FGF12: variants seen among roughly 807,000 people sequenced by gnomAD.
FGF12 encodes fibroblast growth factor 12.
FGF12 carries 14 observed loss-of-function variants against 23.6 expected under a neutral mutation model. That is an observed-to-expected ratio of 0.59 (90% CI 0.39 to 0.93). FGF12 has a LOEUF of 0.93. Among genes scored for constraint, FGF12 ranks in the 40% least tolerant of loss-of-function variants. FGF12 has a pLI of 0.00. For synonymous variants in FGF12, 62 were observed against 77.3 expected (o/e 0.80, Z 1.04); for missense variants, 175 against 217.8 (o/e 0.80, Z 1.24).
intron 2 of FGF12, among the ~76,000 whole-genome samples, chr3:192,388,977 AT>A (rs1372434017): frequency 6.6e-6 from 1 of 152,166 alleles, no homozygotes; most frequent in Non-Finnish European, 1.5e-5. Context: ...AAGCCAAAAA[AT>A]AAAAAGGAAA....
chr3:192,305,677 A>ATATATATAT (rs1273411210), intron 4 of FGF12, among the ~76,000 whole-genome samples: 4 of 111,936 alleles, frequency 3.6e-5, no homozygotes, highest in South Asian at 3.4e-4. Context: ...AAAAAAAAAA[A>ATATATATAT]AAATATATAT....
intron 2 of FGF12, among the ~76,000 whole-genome samples, chr3:192,400,728 C>T (rs985647662): frequency 6.6e-6 from 1 of 152,174 alleles, no homozygotes; most frequent in Non-Finnish European, 1.5e-5. Flanking sequence ...CCTCTATCAA[C>T]CCTGCTCCTT....
intron 5 of FGF12, among the ~76,000 whole-genome samples, chr3:192,161,481 C>T (rs1294504474): frequency 6.8e-6 from 1 of 148,136 alleles, no homozygotes; most frequent in East Asian, 2.0e-4. Context: ...AATTGAATAA[C>T]TTTAAGGAAT....
chr3:192,655,360 A>G (rs905429705), intron 2 of FGF12, among the ~76,000 whole-genome samples: 1 of 152,128 alleles, frequency 6.6e-6, no homozygotes, highest in Non-Finnish European at 1.5e-5. Context: ...CTTTTTTTCT[A>G]CATCTCTATT....
rs765046718 is a variant in FGF12, at chr3:192,143,993, AG to A, written c.*15del. 6 of 1,446,492 alleles carry A rather than the reference AG, an allele frequency of 4.1e-6. No individual in the cohort carries two copies. In the East Asian group the frequency reaches 1.4e-4, roughly 33 times the overall value. 89.6% of individuals were successfully genotyped at this position (1,446,492 alleles called of 1,614,324 possible). On this transcript the variant is annotated 3_prime_UTR_variant, in exon 6 of 6. Transcript: ENST00000445105. ...AGGGGAAGGGATGAGAGAGGGAAGA[AG>A]GGGAGAGTTCTCAGCTATGTTGAAT...
intron 2 of FGF12, among the ~76,000 whole-genome samples, chr3:192,690,101 T>C (rs1717894536): frequency 6.6e-6 from 1 of 151,770 alleles, no homozygotes; most frequent in African/African-American, 2.4e-5. Context: ...CACAGACAAA[T>C]AAAAGCTGAG....
intron 2 of FGF12, among the ~76,000 whole-genome samples, chr3:192,572,210 G>A (rs1357647387): frequency 6.6e-6 from 1 of 152,096 alleles, no homozygotes; most frequent in Non-Finnish European, 1.5e-5. Context: ...TGAAGAAAAT[G>A]AGCTCTTTCA....
Position 192,339,218 on chromosome 3 carries a change from A to C in FGF12, c.125-3754T>G, listed in dbSNP as rs564444623. ...GAAAGGTCCTCATCTGCCTCCTAAA[A>C]GTCCCAAAAGGTGGCAAATGACTTA... On this transcript the variant is annotated intron_variant, in intron 3 of 5. Coordinates refer to ENST00000445105, the MANE Select transcript of FGF12 (RefSeq NM_004113.6). Among the ~76,000 whole-genome samples the C allele has an allele frequency of 5.9e-5, 9 of 152,316 alleles. 1 individual carries two copies. The East Asian group carries it at 1.5e-3, about 26-fold the overall frequency.
At chr3:192,588,465 C>T (rs533997230) in intron 2 of FGF12, among the ~76,000 whole-genome samples, 1 of 147,264 alleles carries the variant, frequency 6.8e-6, no homozygotes, top group East Asian at 2.0e-4. Flanking sequence ...TTTTATAAAA[C>T]AGTGGCATAT....
chr3:192,655,398 C>A (rs1030794616), intron 2 of FGF12, among the ~76,000 whole-genome samples: 7 of 152,086 alleles, frequency 4.6e-5, no homozygotes, highest in Non-Finnish European at 1.0e-4. Context: ...ATGGTTGGAG[C>A]TGCAATAGAC....
intron 2 of FGF12, among the ~76,000 whole-genome samples, chr3:192,434,122 C>T (rs138694064): frequency 5.3e-5 from 8 of 152,230 alleles, no homozygotes; most frequent in Non-Finnish European, 1.2e-4. Flanking sequence ...GCAACCTTAA[C>T]CAATTGTGGA....
chr3:192,461,165 T>C (rs556673156), intron 2 of FGF12, among the ~76,000 whole-genome samples: 18 of 147,812 alleles, frequency 1.2e-4, no homozygotes, highest in East Asian at 5.8e-4. Flanking sequence ...TAAATGAACA[T>C]TGTAAAACAT....
intron 4 of FGF12, among the ~76,000 whole-genome samples, chr3:192,255,444 G>A (rs1165578767): frequency 6.6e-6 from 1 of 151,926 alleles, no homozygotes; most frequent in Non-Finnish European, 1.5e-5. Context: ...CTGAGTTGGG[G>A]AAGAAAGTGT....
chr3:192,190,533 T>C (rs914035662), intron 4 of FGF12, among the ~76,000 whole-genome samples: 2 of 135,262 alleles, frequency 1.5e-5, no homozygotes, highest in African/African-American at 3.1e-5. Context: ...TGGAGTGCAG[T>C]GGCGGGATCT....
chr3:192,318,517 T>C (rs1225158810), intron 4 of FGF12, among the ~76,000 whole-genome samples: 1 of 152,106 alleles, frequency 6.6e-6, no homozygotes, highest in Non-Finnish European at 1.5e-5. Flanking sequence ...GACAGCCTAT[T>C]TGAAAATTCA....
intron 2 of FGF12, among the ~76,000 whole-genome samples, chr3:192,632,902 C>T (rs943796989): frequency 3.9e-5 from 6 of 152,100 alleles, no homozygotes; most frequent in African/African-American, 1.4e-4. Flanking sequence ...GAATCTATTC[C>T]ATGCCTCTCT....
intron 2 of FGF12, among the ~76,000 whole-genome samples, chr3:192,519,363 G>A (rs938544710): frequency 2.0e-5 from 3 of 152,170 alleles, no homozygotes; most frequent in African/African-American, 7.2e-5. Flanking sequence ...TTTGTCCAAT[G>A]TCTTCTAATG....
chr3:192,441,922 T>C (rs913418976), intron 2 of FGF12, among the ~76,000 whole-genome samples: 1 of 152,272 alleles, frequency 6.6e-6, no homozygotes, highest in South Asian at 2.1e-4. Context: ...GAACTCATTA[T>C]AGCTTAAGTT....
At chr3:192,681,480 C>G (rs1465789915) in intron 2 of FGF12, among the ~76,000 whole-genome samples, 1 of 152,146 alleles carries the variant, frequency 6.6e-6, no homozygotes, top group Non-Finnish European at 1.5e-5. Context: ...TGGAAGAATA[C>G]AAGTCGTGAG....
Sources: gnomAD v4.1 joint callset for allele counts (sites outside exome capture counted in the v4.1 genomes callset) on GRCh38, gnomAD v4.1.1 for gene constraint, MANE v1.5 for transcripts, NCBI Gene and HGNC (gene_info 2026-07-23, HGNC 2026-07-21) for gene names.